Variants in ETV7 observed in about 807,000 individuals in gnomAD.
The protein encoded by ETV7 is transcription factor ETV7.
In ETV7, 43 loss-of-function variants were observed where a neutral mutation model predicts 39.1. That is an observed-to-expected ratio of 1.10 (90% CI 0.86 to 1.42). The LOEUF (loss-of-function observed/expected upper bound fraction) is 1.42. Among genes scored for constraint, ETV7 ranks in the 40% most tolerant of loss-of-function variants. The pLI, the probability that ETV7 is intolerant of heterozygous loss-of-function variation, is 0.00. For missense variants in ETV7, 432 were observed against 442.3 expected (o/e 0.98, Z 0.21); for synonymous variants, 196 against 176.6 (o/e 1.11, Z -0.87).
At chr6:36,370,921 A>T (rs1156536459) in intron 5 of ETV7, among the ~76,000 whole-genome samples, 5 of 152,232 alleles carry the variant, frequency 3.3e-5, no homozygotes, top group East Asian at 3.8e-4. Flanking sequence ...CTGTGCCTCA[A>T]TTTCCATATC....
At chr6:36,365,715 G>T (rs752566915), downstream of ETV7, among the ~76,000 whole-genome samples, 1 of 152,138 alleles carries the variant, frequency 6.6e-6, no homozygotes, top group African/African-American at 2.4e-5. Flanking sequence ...ACAGTCAGAG[G>T]TGCTGAAAGA....
chr6:36,363,145 AC>A (rs1772566944), downstream of ETV7, among the ~76,000 whole-genome samples: 1 of 152,332 alleles, frequency 6.6e-6, no homozygotes, highest in South Asian at 2.1e-4. Flanking sequence ...TGTGTCCAGA[AC>A]TGGTGGGTTC....
intron 4 of ETV7, among the ~76,000 whole-genome samples, chr6:36,371,945 C>G (rs1417322837): frequency 1.3e-5 from 2 of 151,902 alleles, no homozygotes; most frequent in African/African-American, 2.4e-5. Flanking sequence ...GAGCATATAT[C>G]GCTGAGCTCC....
chr6:36,369,412 TGCTGGGCCCACAGGCTGAGGG>T (rs1463669740), intron 5 of ETV7, among the ~76,000 whole-genome samples: 1 of 152,170 alleles, frequency 6.6e-6, no homozygotes, highest in Non-Finnish European at 1.5e-5. Flanking sequence ...TGAGGGCAGG[TGCTGGGCCCACAGGCTGAGGG>T]GCTGGGCCCC....
chr6:36,377,261 G>T (rs1284390713), intron 2 of ETV7, among the ~76,000 whole-genome samples: 2 of 152,122 alleles, frequency 1.3e-5, no homozygotes, highest in South Asian at 4.1e-4. Flanking sequence ...AGGAGTTTGA[G>T]ACCAGCCTGA....
downstream of ETV7, chr6:36,366,193 A>G: frequency 1.2e-5 from 12 of 1,003,320 alleles, no homozygotes; most frequent in South Asian, 5.1e-4. Context: ...AGAAAGAAAC[A>G]TCAGCTACCA....
chr6:36,364,041 G>A (rs1772622988), downstream of ETV7, among the ~76,000 whole-genome samples: 1 of 152,142 alleles, frequency 6.6e-6, no homozygotes, highest in Non-Finnish European at 1.5e-5. Flanking sequence ...CTAGACACAG[G>A]GTGCTGATTG....
rs376243055 is a variant in ETV7, at chr6:36,371,553, A to C, written c.441T>G (p.Thr147=). Residue 147 remains threonine (T), a synonymous_variant, in exon 5 of 8, where the codon ACT becomes ACG. Transcript: ENST00000340181. ...QHSPVPPEEV[T]GPSQMDTRRG... ...TTCGGGTGTCCATCTGAGAGGGGCC[A>C]GTCACCTCTGCAAGCAGATGAGCAC... 6.3e-7 allele frequency: 1 copy of C among 1,586,230 alleles called. No individual in the cohort carries two copies. The highest frequency in any genetic ancestry group is 8.6e-7 in the Non-Finnish European group (1 of 1,168,186).
At chr6:36,362,792 T>C (rs1772544781), downstream of ETV7, among the ~76,000 whole-genome samples, 1 of 152,194 alleles carries the variant, frequency 6.6e-6, no homozygotes, top group Admixed American at 6.5e-5. Flanking sequence ...CCGGCCATGA[T>C]GGTCTCAGTG....
chr6:36,367,677 G>A (rs1042084037), intron 6 of ETV7, among the ~76,000 whole-genome samples: 1 of 151,700 alleles, frequency 6.6e-6, no homozygotes, highest in African/African-American at 2.4e-5. Context: ...CCACACCCTG[G>A]GTGACTTTGG....
chr6:36,369,271 G>GT (rs1276476295), intron 5 of ETV7, among the ~76,000 whole-genome samples, 200 bp from the exon 6 acceptor site: 4 of 152,204 alleles, frequency 2.6e-5, no homozygotes, highest in Non-Finnish European at 5.9e-5. Flanking sequence ...AGTCTGGGAA[G>GT]TCGTTACCTT....
At chr6:36,376,551 G>A (rs1487281266) in intron 2 of ETV7, among the ~76,000 whole-genome samples, 1 of 152,152 alleles carries the variant, frequency 6.6e-6, no homozygotes, top group Non-Finnish European at 1.5e-5. Context: ...GCCGAGGCGG[G>A]TGGATCACAA....
At chr6:36,385,692 A>T (rs751676299) in intron 1 of ETV7, 23 bp from the exon 2 acceptor site, 2 of 1,575,152 alleles carry the variant, frequency 1.3e-6, no homozygotes, top group African/African-American at 2.7e-5. Flanking sequence ...AAACCAGGAC[A>T]GTCAAAGAAG....
At chr6:36,370,430 G>A (rs561919655) in intron 5 of ETV7, among the ~76,000 whole-genome samples, 2 of 152,206 alleles carry the variant, frequency 1.3e-5, no homozygotes, top group East Asian at 3.9e-4. Flanking sequence ...AGCTACCCAG[G>A]AGGCTGAGGC....
In ETV7 at chr6:36,373,466, T is replaced by C. The variant is rs60760162; in HGVS notation, c.420A>G (p.Pro140=). Residue 140 remains proline (P), a synonymous_variant, in exon 4 of 8, where the codon CCA becomes CCG. Transcript: ENST00000340181. The part of the protein sequence containing the change: ...FRLKTPTQHS[P]VPPEEVTGPS... ...GAGCTTCCTCACCTTCCGGGGGGAC[T>C]GGAGAGTGCTGGGTGGGCGTCTTCA... is the stretch of plus-strand genomic sequence containing the variant. 300 of 1,567,476 alleles carry C rather than the reference T, an allele frequency of 1.9e-4. No homozygotes were observed. The highest frequency in any genetic ancestry group is 5.1e-4 in the Admixed American group (26 of 51,298).
At chr6:36,357,415 G>A (rs1302565902) in intron 7 of ETV7, among the ~76,000 whole-genome samples, 1 of 152,222 alleles carries the variant, frequency 6.6e-6, no homozygotes, top group Admixed American at 6.5e-5. Context: ...GCCCACTGGG[G>A]CAATCCATAC....
chr6:36,373,418 G>A (rs1773135725), intron 4 of ETV7, 35 bp downstream of exon 4: 1 of 1,494,658 alleles, frequency 6.7e-7, no homozygotes, highest in Non-Finnish European at 8.9e-7. Context: ...CTGATTTGAG[G>A]GAGGTACTCC....
downstream of ETV7, among the ~76,000 whole-genome samples, chr6:36,361,786 TTATC>T (rs1561898499): frequency 3.3e-5 from 5 of 152,254 alleles, no homozygotes; most frequent in South Asian, 2.1e-4. Flanking sequence ...CATAAATTCT[TTATC>T]TATTGTCAGT....
intron 2 of ETV7, among the ~76,000 whole-genome samples, chr6:36,376,532 T>C (rs545405139): frequency 5.1e-4 from 78 of 152,198 alleles, no homozygotes; most frequent in African/African-American, 1.1e-3. Flanking sequence ...AATCTCAGCA[T>C]TTTGGGAGGC....
Sources: allele counts gnomAD v4.1 joint callset (sites outside exome capture counted in the v4.1 genomes callset), GRCh38; gene constraint gnomAD v4.1.1; transcripts MANE v1.5; gene names NCBI Gene and HGNC (gene_info 2026-07-23, HGNC 2026-07-21).